The following SMARCA4 variants were observed in gnomAD, a reference collection of about 807,000 sequenced individuals.
The protein encoded by SMARCA4 is SWI/SNF related BAF chromatin remodeling complex subunit ATPase 4.
In SMARCA4, 31 loss-of-function variants were observed where a neutral mutation model predicts 193.9. The ratio of observed to expected loss-of-function variants is 0.16; its 90% CI spans 0.12 to 0.22. The LOEUF is 0.22. Ranked by LOEUF, SMARCA4 falls within the 10% of genes least tolerant of loss-of-function variation. The pLI is 1.00. For missense variants in SMARCA4, 1,148 were observed against 2,296.0 expected, an observed-to-expected ratio of 0.50 and a Z score of 10.22; for synonymous variants, 942 against 933.1, an observed-to-expected ratio of 1.01 and a Z score of -0.17.
rs78549246 is a variant in SMARCA4 at position 11,052,307 on chromosome 19, T to A, written c.4425-5948T>A. On this transcript the variant is annotated intron_variant, in intron 30 of 34. Transcript: ENST00000344626. ...AACCAGGTGTGATATCCACCTGTAG[T>A]CCCAGCTTCTTGGGAGGCCAACGCG... Among the ~76,000 whole-genome samples the A allele has an allele frequency of 2.7e-3, 416 of 152,262 alleles. 1 individual carries two copies. The highest frequency in any genetic ancestry group is 4.7e-3 in the Non-Finnish European group (318 of 68,026).
At chr19:11,018,857 G>A (rs2089609603) in intron 16 of SMARCA4, 100 bp from the exon 17 acceptor site, 1 of 935,842 alleles carries the variant, frequency 1.1e-6, no homozygotes, top group Non-Finnish European at 1.8e-6. Context: ...GAGGGCTGTG[G>A]CCATGTTGGC....
intron 30 of SMARCA4, among the ~76,000 whole-genome samples, chr19:11,052,353 G>T (rs1023808782): frequency 2.6e-5 from 4 of 152,176 alleles, no homozygotes; most frequent in Non-Finnish European, 5.9e-5. Context: ...GTGAGCCCAG[G>T]AGTTGGAGGC....
intron 19 of SMARCA4, 79 bp downstream of exon 19, chr19:11,022,046 C>T (rs1399509486): frequency 6.3e-7 from 1 of 1,595,774 alleles, no homozygotes; most frequent in Non-Finnish European, 8.5e-7. Flanking sequence ...TGAGCACCAG[C>T]TACAGCTGGC....
chr19:10,967,483 T>C (rs994659090), intron 1 of SMARCA4, among the ~76,000 whole-genome samples: 3 of 150,704 alleles, frequency 2.0e-5, no homozygotes, highest in African/African-American at 7.3e-5. Flanking sequence ...GCTAATTTTT[T>C]GTATTTTTAG....
Position 11,018,945 on chromosome 19 carries a change from T to G in SMARCA4, c.2439-12T>G, listed in dbSNP as rs1462368992. 6.8e-6 allele frequency: 11 copies of G among 1,612,284 alleles called. No homozygotes were observed. Among genetic ancestry groups the G allele is most frequent in the Non-Finnish European group, 8.5e-6 (10 of 1,178,356 alleles). On this transcript the variant is annotated splice_polypyrimidine_tract_variant and intron_variant, in intron 16 of 34. Coordinates refer to ENST00000344626, the MANE Select transcript of SMARCA4 (RefSeq NM_003072.5). ...AGACCGGCACTTGACTCTCATTTCC[T>G]TGTTCCATCAGAACGCTGTCCAACT... is the stretch of plus-strand genomic sequence containing the variant.
rs1354449801 is a variant in SMARCA4, at chr19:11,062,036, A to C, written c.*220A>C. On this transcript the variant is annotated 3_prime_UTR_variant, in exon 35 of 35. Transcript: ENST00000344626. The stretch of plus-strand genomic sequence containing the variant: ...ATCTGTAACAGCATTAACTGTCTTA[A>C]AGAGAGAGAGAGAGAATTCCGAATT... 1.5e-5 allele frequency: 9 copies of C among 595,106 alleles called. 1 individual carries two copies. In the South Asian group the frequency reaches 1.8e-4, roughly 12 times the overall value. The allele number at this position is 595,106 out of a possible 1,614,324, so 36.9% of individuals were successfully genotyped here.
intron 30 of SMARCA4, among the ~76,000 whole-genome samples, chr19:11,049,638 A>G (rs2076146804): frequency 6.6e-6 from 1 of 152,082 alleles, no homozygotes; most frequent in African/African-American, 2.4e-5. Flanking sequence ...CACTGTGTCC[A>G]AGTGTCAAGG....
chr19:10,970,446 G>T (rs1392212922), intron 1 of SMARCA4, among the ~76,000 whole-genome samples: 2 of 152,170 alleles, frequency 1.3e-5, no homozygotes, highest in Non-Finnish European at 2.9e-5. Flanking sequence ...TTTAGAGACA[G>T]AGTGTCACTC....
intron 9 of SMARCA4, chr19:10,995,667 C>A: frequency 2.7e-6 from 1 of 372,654 alleles, no homozygotes; most frequent in East Asian, 7.3e-5. Context: ...TGTGCCAGGG[C>A]AGCCGGTAGC....
intron 13 of SMARCA4, among the ~76,000 whole-genome samples, chr19:11,007,575 C>T (rs2088355934): frequency 6.6e-6 from 1 of 151,330 alleles, no homozygotes; most frequent in South Asian, 2.1e-4. Flanking sequence ...TACATATCTA[C>T]AAAAATTCAA....
intron 21 of SMARCA4, among the ~76,000 whole-genome samples, chr19:11,024,797 C>CTGG (rs1222687820): frequency 6.6e-6 from 1 of 152,118 alleles, no homozygotes; most frequent in Non-Finnish European, 1.5e-5. Context: ...GGCCCCAGGC[C>CTGG]CCACCTGCCT....
At chr19:11,052,147 G>T (rs1378958048) in intron 30 of SMARCA4, among the ~76,000 whole-genome samples, 1 of 151,826 alleles carries the variant, frequency 6.6e-6, no homozygotes, top group Non-Finnish European at 1.5e-5. Flanking sequence ...TGAAGTAGAA[G>T]ATTCAAAGCA....
In SMARCA4 at chr19:10,986,821, C is replaced by G; in HGVS notation, c.761-84C>G. ...TTAATAGGTGTATCTGCTGTGTCCC[C>G]TGGAGCCAGGGCTGCCCACGGGGCT... is the stretch of plus-strand genomic sequence containing the variant. On this transcript the variant is annotated intron_variant, in intron 4 of 34. Transcript: ENST00000344626. The surrounding 1 kb of genome is among the most constrained non-coding windows in gnomAD (Gnocchi z 6.7). 1 of 1,335,748 alleles carries G rather than the reference C, an allele frequency of 7.5e-7. No individual in the cohort carries two copies. Among genetic ancestry groups the G allele is most frequent in the East Asian group, 2.3e-5 (1 of 43,498 alleles). The allele number at this position is 1,335,748 out of a possible 1,614,324, so 82.7% of individuals were successfully genotyped here. A position where few individuals can be genotyped will look rare whatever the true frequency, so the allele number is the denominator to read the frequency against.
intron 15 of SMARCA4, chr19:11,011,355 G>C (rs1463631149): frequency 6.6e-6 from 1 of 152,290 alleles, no homozygotes; most frequent in African/African-American, 2.4e-5. Context: ...CTCCTGAGTA[G>C]CTGGGACTAC....
chr19:11,000,839 G>A (rs993779261), intron 11 of SMARCA4, among the ~76,000 whole-genome samples: 11 of 131,314 alleles, frequency 8.4e-5, no homozygotes, highest in Non-Finnish European at 1.3e-4. Context: ...CAGCCTGGGC[G>A]ACAGAGTGAG....
intron 16 of SMARCA4, among the ~76,000 whole-genome samples, chr19:11,017,368 A>G (rs764290316): frequency 5.3e-5 from 8 of 152,198 alleles, no homozygotes; most frequent in Admixed American, 1.3e-4. Flanking sequence ...TTCTTCCCCT[A>G]CTTCAGTGAG....
Position 10,985,505 on chromosome 19 carries a change from C to T in SMARCA4, c.355+100C>T, listed in dbSNP as rs2145757480. On this transcript the variant is annotated intron_variant, in intron 3 of 34. Transcript: ENST00000344626. This position sits in a 1 kb window ranked among gnomAD's most constrained non-coding sequence, Gnocchi z 4.5. ...TCCCACAGGATGGATTCAGGGAGTA[C>T]CTAGGATGATGTAGCCGGGTGGGTG... is the stretch of plus-strand genomic sequence containing the variant. 1 of 1,429,366 alleles carries T rather than the reference C, an allele frequency of 7.0e-7. No homozygotes were observed. Among genetic ancestry groups the T allele is most frequent in the Admixed American group, 2.0e-5 (1 of 51,124 alleles). 88.5% of individuals were successfully genotyped at this position (1,429,366 alleles called of 1,614,324 possible).
chr19:11,060,090 C>T lies in SMARCA4; in HGVS notation c.4814C>T (p.Ala1605Val), dbSNP rs2076775823. ...ATCAAGCTTGGCCGGAAGGAGAAGG[C>T]ACAGGACCGGCTGAAGGGCGGCCGG... Reference protein sequence around the residue: ...VKIKLGRKEKAQDRLKGGRRR... With the variant: ...VKIKLGRKEKVQDRLKGGRRR... The change falls in exon 34 of 35, where the codon GCA (alanine) becomes GTA (valine). Residue 1605 changes from alanine to valine, a missense_variant. This residue lies in a region of SMARCA4 where 105 missense variants were observed against 133.7 expected (regional missense o/e 0.79). Coordinates refer to ENST00000344626, the MANE Select transcript of SMARCA4 (RefSeq NM_003072.5). 2 of 1,553,254 alleles carry T rather than the reference C, an allele frequency of 1.3e-6. No homozygotes were observed. The highest frequency in any genetic ancestry group is 1.4e-5 in the African/African-American group (1 of 73,228).
intron 14 of SMARCA4, 74 bp from the exon 15 acceptor site, chr19:11,010,307 C>T (rs942349128): frequency 2.0e-6 from 3 of 1,531,898 alleles, no homozygotes; most frequent in African/African-American, 2.7e-5. Context: ...CTCCGCAGAG[C>T]TTGTGTCAGG....
Sources: allele counts gnomAD v4.1 joint callset (sites outside exome capture counted in the v4.1 genomes callset), GRCh38; gene constraint gnomAD v4.1.1; regional missense constraint gnomAD v4.1.1; non-coding constraint Gnocchi (gnomAD v3.1); transcripts MANE v1.5; gene names NCBI Gene and HGNC (gene_info 2026-07-23, HGNC 2026-07-21).